NTM: variants seen among roughly 807,000 people sequenced by gnomAD.
NTM encodes IgLON family member 2.
In NTM, 13 loss-of-function variants were observed where a neutral mutation model predicts 42.1. The observed-to-expected ratio is 0.31, with a 90% CI of 0.20 to 0.49. The LOEUF (loss-of-function observed/expected upper bound fraction) is 0.49, where lower values mean the gene tolerates loss of function less well. Ranked by LOEUF, NTM falls within the 20% of genes least tolerant of loss-of-function variation. The pLI is 0.99. For synonymous variants in NTM, 187 were observed against 179.2 expected (o/e 1.04, Z -0.35); for missense variants, 373 against 452.8 (o/e 0.82, Z 1.60).
chr11:132,175,018 C>G (rs1330110555), intron 3 of NTM, among the ~76,000 whole-genome samples: 1 of 152,110 alleles, frequency 6.6e-6, no homozygotes, highest in Non-Finnish European at 1.5e-5. Context: ...CTTCACTTTC[C>G]CCCTGCAGCC....
chr11:131,482,015 C>T (rs1953652393), intron 1 of NTM, among the ~76,000 whole-genome samples: 1 of 152,088 alleles, frequency 6.6e-6, no homozygotes, highest in Admixed American at 6.5e-5. Flanking sequence ...AACCATGCTG[C>T]ATACAGCTGT....
At chr11:132,097,414 G>A (rs972073242) in intron 2 of NTM, among the ~76,000 whole-genome samples, 5 of 152,216 alleles carry the variant, frequency 3.3e-5, no homozygotes, top group Non-Finnish European at 7.3e-5. Context: ...TGCACTGGAG[G>A]CCAGGATGCT....
intron 1 of NTM, among the ~76,000 whole-genome samples, chr11:131,493,896 C>A (rs757409277): frequency 2.0e-5 from 3 of 152,172 alleles, no homozygotes; most frequent in Non-Finnish European, 2.9e-5. Context: ...CATAGCCAGC[C>A]TATGTTTTTC....
At chr11:131,569,663 A>C (rs549959872) in intron 1 of NTM, among the ~76,000 whole-genome samples, 1 of 145,282 alleles carries the variant, frequency 6.9e-6, no homozygotes, top group Non-Finnish European at 1.5e-5. Flanking sequence ...CTACATTCTC[A>C]AACTCCTGGG....
rs115763539 is a variant in NTM, at chr11:132,258,214, G to A, written c.526+46067G>A. Among the ~76,000 whole-genome samples, 742 of 152,318 alleles carry A rather than the reference G, an allele frequency of 4.9e-3. 9 individuals carry two copies. The highest frequency in any genetic ancestry group is 0.017 in the African/African-American group (718 of 41,560). ...GGAAACGAGTTGGTCTGGCAGAAAG[G>A]ACATAGGACTGAGGGACACATTTTC... On this transcript the variant is annotated intron_variant, in intron 4 of 8. Coordinates refer to ENST00000683400, the MANE Select transcript of NTM (RefSeq NM_001352005.2).
intron 4 of NTM, among the ~76,000 whole-genome samples, chr11:132,217,286 A>G (rs963857175): frequency 2.0e-5 from 3 of 152,062 alleles, no homozygotes; most frequent in African/African-American, 4.8e-5. Flanking sequence ...AAAGAAATCA[A>G]TCGGTAGAAA....
At chr11:132,071,348 CA>C (rs1287027959) in intron 2 of NTM, among the ~76,000 whole-genome samples, 4 of 148,998 alleles carry the variant, frequency 2.7e-5, no homozygotes, top group Non-Finnish European at 6.0e-5. Context: ...ACACGTCACT[CA>C]GCCAAGTTAA....
chr11:132,065,429 T>C (rs995057250), intron 2 of NTM, among the ~76,000 whole-genome samples: 5 of 152,174 alleles, frequency 3.3e-5, no homozygotes, highest in Non-Finnish European at 7.3e-5. Context: ...CCTCATCTCA[T>C]TACTAGAATC....
chr11:131,996,649 A>C (rs2068089211), intron 2 of NTM, among the ~76,000 whole-genome samples: 1 of 150,136 alleles, frequency 6.7e-6, no homozygotes, highest in Non-Finnish European at 1.5e-5. Flanking sequence ...AGTGACACAT[A>C]GTGGTGTCTT....
chr11:132,154,289 A>C (rs1012022009), intron 3 of NTM, among the ~76,000 whole-genome samples: 7 of 152,236 alleles, frequency 4.6e-5, no homozygotes, highest in African/African-American at 9.6e-5. Context: ...AAAGATTATC[A>C]GTGGAAAAGA....
chr11:131,721,996 C>CA (rs71475771), intron 1 of NTM, among the ~76,000 whole-genome samples: 941 of 10,212 alleles, frequency 0.092, 156 homozygotes, highest in African/African-American at 0.19. Flanking sequence ...AACTCTGTCT[C>CA]AAAAAAAAAA....
intron 1 of NTM, among the ~76,000 whole-genome samples, chr11:131,745,730 AAAATGAGAC>A (rs1445179020): frequency 6.6e-6 from 1 of 152,240 alleles, no homozygotes; most frequent in Non-Finnish European, 1.5e-5. Flanking sequence ...GTGAGAAAAA[AAAATGAGAC>A]AAATGAGACA....
At chr11:131,852,374 C>T (rs1309934519) in intron 1 of NTM, among the ~76,000 whole-genome samples, 3 of 152,234 alleles carry the variant, frequency 2.0e-5, no homozygotes, top group Non-Finnish European at 4.4e-5. Context: ...CTCCCACACA[C>T]TTAACTTTTC....
chr11:132,013,875 G>A (rs188001551), intron 2 of NTM, among the ~76,000 whole-genome samples: 12 of 152,204 alleles, frequency 7.9e-5, no homozygotes, highest in Non-Finnish European at 1.6e-4. Context: ...TCATTTCTGT[G>A]TGTTGAGAAC....
chr11:131,391,699 AG>A (rs1370310931), intron 1 of NTM, among the ~76,000 whole-genome samples: 15 of 141,352 alleles, frequency 1.1e-4, no homozygotes, highest in Non-Finnish European at 1.4e-4. Flanking sequence ...TGGGTGCGGG[AG>A]GAGAGGGTCG....
At chr11:131,588,953 A>G (rs189106008) in intron 1 of NTM, among the ~76,000 whole-genome samples, 44 of 152,288 alleles carry the variant, frequency 2.9e-4, no homozygotes, top group African/African-American at 9.6e-4. Context: ...GGCTCATGCA[A>G]TGTGAAAGTG....
intron 2 of NTM, among the ~76,000 whole-genome samples, chr11:132,089,876 A>G (rs550669504): frequency 1.5e-4 from 23 of 152,326 alleles, no homozygotes; most frequent in African/African-American, 5.3e-4. Flanking sequence ...TTTTATAACC[A>G]GTTAGTATGA....
chr11:131,764,486 C>T (rs956702726), intron 1 of NTM, among the ~76,000 whole-genome samples: 8 of 152,090 alleles, frequency 5.3e-5, no homozygotes, highest in Admixed American at 1.3e-4. Flanking sequence ...TTGGATGAGC[C>T]GTTATGGTGG....
At chr11:131,932,449 A>G (rs1039083025) in intron 2 of NTM, among the ~76,000 whole-genome samples, 2 of 152,214 alleles carry the variant, frequency 1.3e-5, no homozygotes, top group Non-Finnish European at 2.9e-5. Context: ...TGCTTTTTTC[A>G]ACATTTGAGG....
Sources: gnomAD v4.1 joint callset for allele counts (sites outside exome capture counted in the v4.1 genomes callset) on GRCh38, gnomAD v4.1.1 for gene constraint, MANE v1.5 for transcripts, NCBI Gene and HGNC (gene_info 2026-07-23, HGNC 2026-07-21) for gene names.